GRID1: variants seen among roughly 807,000 people sequenced by gnomAD.
GRID1 encodes the protein glutamate ionotropic receptor delta type subunit 1, also known as glutamate receptor ionotropic, delta-1.
GRID1 carries 28 observed loss-of-function variants against 98.0 expected under a neutral mutation model. That is an observed-to-expected ratio of 0.29 (90% CI 0.21 to 0.39). The LOEUF (loss-of-function observed/expected upper bound fraction) is 0.39. Ranked by LOEUF, GRID1 falls within the 10% of genes least tolerant of loss-of-function variation. GRID1 has a pLI of 1.00. For synonymous variants in GRID1, 553 were observed against 538.5 expected (o/e 1.03, Z -0.37); for missense variants, 1,111 against 1,340.5 (o/e 0.83, Z 2.67).
chr10:85,913,488 G>A (rs1841568750), intron 5 of GRID1, among the ~76,000 whole-genome samples: 1 of 152,230 alleles, frequency 6.6e-6, no homozygotes. Context: ...CACATAGTAG[G>A]TGATTAAGAA....
intron 2 of GRID1, among the ~76,000 whole-genome samples, chr10:86,274,397 C>G (rs997936684): frequency 1.8e-4 from 27 of 152,292 alleles, no homozygotes; most frequent in African/African-American, 6.3e-4. Context: ...AAGGCGGGCT[C>G]TTTTTTGGTT....
chr10:86,169,538 G>A (rs1323884275), intron 3 of GRID1, among the ~76,000 whole-genome samples: 1 of 152,166 alleles, frequency 6.6e-6, no homozygotes, highest in Admixed American at 6.5e-5. Context: ...ATGCTGCCAA[G>A]GAGAAAACGA....
At chr10:85,964,930 A>G (rs1471159283) in intron 4 of GRID1, among the ~76,000 whole-genome samples, 1 of 152,238 alleles carries the variant, frequency 6.6e-6, no homozygotes, top group Non-Finnish European at 1.5e-5. Flanking sequence ...CAAGGAGCTG[A>G]AACAAATTTA....
chr10:85,790,234 C>T (rs147708220), intron 8 of GRID1, among the ~76,000 whole-genome samples: 1 of 152,184 alleles, frequency 6.6e-6, no homozygotes, highest in Non-Finnish European at 1.5e-5. Context: ...CCCTGTCATT[C>T]CCCAGCACCT....
At chr10:85,797,682 C>T (rs1225538275) in intron 8 of GRID1, among the ~76,000 whole-genome samples, 1 of 150,980 alleles carries the variant, frequency 6.6e-6, no homozygotes, top group African/African-American at 2.4e-5. Context: ...AACTCCCAAC[C>T]TCAGGTGATC....
chr10:85,606,787 T>G (rs1353404351), intron 15 of GRID1: 1 of 152,178 alleles, frequency 6.6e-6, no homozygotes, highest in Non-Finnish European at 1.5e-5. Flanking sequence ...CAGGAGTGAT[T>G]TGAATAATTA....
chr10:85,623,634 C>T (rs529450363), intron 13 of GRID1, among the ~76,000 whole-genome samples: 97 of 152,258 alleles, frequency 6.4e-4, no homozygotes, highest in African/African-American at 2.2e-3. Context: ...GTTCACCCTC[C>T]TCCTTCCTTG....
chr10:86,066,416 T>G (rs147786316), intron 4 of GRID1, among the ~76,000 whole-genome samples: 295 of 152,238 alleles, frequency 1.9e-3, no homozygotes, highest in Non-Finnish European at 2.9e-3. Context: ...GCCAGGGGTA[T>G]TACAATTTTT....
rs1274669555 is a variant in GRID1, at chr10:86,195,291, T to C, written c.520+11073A>G. Among the ~76,000 whole-genome samples the C allele has an allele frequency of 2.0e-5, 3 of 152,088 alleles. No individual in the cohort carries two copies. The highest frequency in any genetic ancestry group is 1.3e-4 in the Admixed American group (2 of 15,260). On this transcript the variant is annotated intron_variant, in intron 3 of 15. Transcript: ENST00000327946. The surrounding 1 kb of genome is among the most constrained non-coding windows in gnomAD (Gnocchi z 4.4). The stretch of plus-strand genomic sequence containing the variant: ...GAATTGCCATCCATTCTGTCCTTCA[T>C]GGTCTCCTGTAGAGATCAGGTCCCT...
intron 4 of GRID1, among the ~76,000 whole-genome samples, chr10:85,969,647 G>A (rs187211613): frequency 3.9e-4 from 60 of 152,174 alleles, no homozygotes; most frequent in African/African-American, 1.4e-3. Context: ...TGAGATTAAT[G>A]AGAAAAACAT....
chr10:86,176,837 G>C (rs927891043), intron 3 of GRID1, among the ~76,000 whole-genome samples: 2 of 152,158 alleles, frequency 1.3e-5, no homozygotes, highest in African/African-American at 4.8e-5. Context: ...AGGAGTAGAT[G>C]CAAGGATGCT....
chr10:86,100,728 T>C (rs958403379), intron 4 of GRID1, among the ~76,000 whole-genome samples: 5 of 152,244 alleles, frequency 3.3e-5, no homozygotes, highest in Non-Finnish European at 5.9e-5. Flanking sequence ...TTAACTGGCA[T>C]AGCACAAGCA....
chr10:86,310,979 G>A (rs112808042), intron 2 of GRID1, among the ~76,000 whole-genome samples: 1,679 of 152,226 alleles, frequency 0.011, 40 homozygotes, highest in African/African-American at 0.038. Flanking sequence ...AAAGAGCCTC[G>A]TGGGTCAAGA....
Position 85,613,662 on chromosome 10 carries a change from C to G in GRID1, c.2361-15G>C. On this transcript the variant is annotated splice_polypyrimidine_tract_variant and intron_variant, in intron 14 of 15. Transcript: ENST00000327946. ...GCTCCAGGATCCTGTAAGACACAATCAAGGTGAGCTATAGCCACTGACGTC... is the reference window on the plus strand; with the variant it reads ...GCTCCAGGATCCTGTAAGACACAATGAAGGTGAGCTATAGCCACTGACGTC... 6.2e-7 allele frequency: 1 copy of G among 1,609,362 alleles called. No individual in the cohort carries two copies. The highest frequency in any genetic ancestry group is 8.5e-7 in the Non-Finnish European group (1 of 1,176,622).
chr10:85,625,671 G>T (rs1474332070), intron 13 of GRID1, among the ~76,000 whole-genome samples: 2 of 152,158 alleles, frequency 1.3e-5, no homozygotes, highest in African/African-American at 2.4e-5. Context: ...TCCCTGGGTT[G>T]TTGCAAAAGG....
At chr10:85,928,230 C>T (rs1178097787) in intron 4 of GRID1, among the ~76,000 whole-genome samples, 7 of 152,180 alleles carry the variant, frequency 4.6e-5, no homozygotes, top group East Asian at 1.9e-4. Flanking sequence ...GAGAAAGAGG[C>T]GGAGGATCGT....
chr10:86,269,423 A>G (rs143562223), intron 2 of GRID1, among the ~76,000 whole-genome samples: 11 of 152,296 alleles, frequency 7.2e-5, no homozygotes, highest in Non-Finnish European at 1.6e-4. Flanking sequence ...ACTCCAAGTT[A>G]TGCACCCAGC....
intron 8 of GRID1, among the ~76,000 whole-genome samples, chr10:85,830,733 T>A (rs1179004269): frequency 6.6e-6 from 1 of 152,026 alleles, no homozygotes; most frequent in Non-Finnish European, 1.5e-5. Context: ...ACTAATCATT[T>A]AAAAAATGCA....
At chr10:86,039,235 C>G (rs1843313119) in intron 4 of GRID1, among the ~76,000 whole-genome samples, 1 of 152,204 alleles carries the variant, frequency 6.6e-6, no homozygotes, top group African/African-American at 2.4e-5. Flanking sequence ...CCCTATTCCT[C>G]CACCCTCAAC....
Sources: gnomAD v4.1 joint callset for allele counts (sites outside exome capture counted in the v4.1 genomes callset) on GRCh38, gnomAD v4.1.1 for gene constraint, Gnocchi (gnomAD v3.1) non-coding constraint, MANE v1.5 for transcripts, NCBI Gene and HGNC (gene_info 2026-07-23, HGNC 2026-07-21) for gene names.